Variants in GRIK4 observed in about 807,000 individuals in gnomAD.
GRIK4 encodes the protein glutamate receptor ionotropic, kainate 4.
Under a neutral mutation model 104.9 loss-of-function variants are expected in GRIK4, and 40 were observed. The ratio of observed to expected loss-of-function variants is 0.38; its 90% CI spans 0.30 to 0.50. The LOEUF (loss-of-function observed/expected upper bound fraction) is 0.50. Ranked by LOEUF, GRIK4 falls within the 20% of genes least tolerant of loss-of-function variation. The pLI, the probability that GRIK4 is intolerant of heterozygous loss-of-function variation, is 0.93. For synonymous variants in GRIK4, 485 were observed against 524.9 expected, an observed-to-expected ratio of 0.92 and a Z score of 1.04; for missense variants, 1,047 against 1,308.1, an observed-to-expected ratio of 0.80 and a Z score of 3.08.
At chr11:120,879,287 C>T (rs1363539855) in intron 11 of GRIK4, among the ~76,000 whole-genome samples, 2 of 152,236 alleles carry the variant, frequency 1.3e-5, no homozygotes, top group East Asian at 3.8e-4. Flanking sequence ...TGCTGCAAAC[C>T]AGGACAGTGC....
At chr11:120,762,849 A>T (rs948578790) in intron 3 of GRIK4, among the ~76,000 whole-genome samples, 1 of 152,128 alleles carries the variant, frequency 6.6e-6, no homozygotes, top group Non-Finnish European at 1.5e-5. Flanking sequence ...TTAGTATTTT[A>T]TTGAGGATTT....
In GRIK4 at chr11:120,975,461, A is replaced by C. The variant is rs566309640; in HGVS notation, c.2396-6645A>C. 5.3e-5 allele frequency among the ~76,000 whole-genome samples: 8 copies of C among 152,256 alleles called. No homozygotes were observed. In the South Asian group the frequency reaches 1.7e-3, roughly 32 times the overall value. ...TTTGAGAGAGAGAAACTCCAGAGGG[A>C]TTTCCAGAAACCATGATCAGAACAG... On this transcript the variant is annotated intron_variant, in intron 19 of 20. Coordinates refer to ENST00000527524, the MANE Select transcript of GRIK4 (RefSeq NM_014619.5).
At position 120,950,395 on chromosome 11, in the gene GRIK4, A is replaced by T. The variant is rs544820557; in HGVS notation, c.1591-2460A>T. ...CTTATCACCCATAACCAAATATGGC[A>T]GCTTTAAATAGTGCTGTCATTTTCC... is the stretch of plus-strand genomic sequence containing the variant. On this transcript the variant is annotated intron_variant, in intron 14 of 20. Coordinates refer to ENST00000527524, the MANE Select transcript of GRIK4 (RefSeq NM_014619.5). Among the ~76,000 whole-genome samples the T allele has an allele frequency of 5.9e-5, 9 of 152,326 alleles. No homozygotes were observed. The East Asian group carries it at 1.7e-3, about 29-fold the overall frequency.
intron 11 of GRIK4, among the ~76,000 whole-genome samples, chr11:120,881,856 T>G (rs569656662): frequency 1.1e-4 from 16 of 152,160 alleles, no homozygotes; most frequent in African/African-American, 1.7e-4. Flanking sequence ...TAAAGGCAGC[T>G]GCATTTCTTA....
intron 3 of GRIK4, among the ~76,000 whole-genome samples, chr11:120,700,808 T>G (rs1390000390): frequency 6.6e-6 from 1 of 152,198 alleles, no homozygotes; most frequent in Admixed American, 6.5e-5. Flanking sequence ...GCCAGGCTGG[T>G]GTCGAACTTC....
intron 11 of GRIK4, among the ~76,000 whole-genome samples, chr11:120,896,897 G>A (rs998482324): frequency 2.6e-5 from 4 of 152,202 alleles, no homozygotes; most frequent in Admixed American, 1.3e-4. Context: ...TTAGCCAGTC[G>A]TCTCTCCTGG....
Position 120,819,863 on chromosome 11 carries a change from G to C in GRIK4, c.454G>C (p.Gly152Arg), listed in dbSNP as rs1050516369. The change falls in exon 6 of 21, where the codon GGG becomes CGG. Residue 152 changes from glycine (G) to arginine (R), a missense_variant. By Grantham distance (125) the Gly-to-Arg change is moderately radical. Coordinates refer to ENST00000527524, the MANE Select transcript of GRIK4 (RefSeq NM_014619.5). The surrounding 1 kb of genome is among the most constrained non-coding windows in gnomAD (Gnocchi z 4.3). Reference sequence around the variant, plus strand: ...CACTGACATCAGCGTGGCTGTAGCTGGGATCCTGAACTTCTTCAACTGCAC... The same window carrying C: ...CACTGACATCAGCGTGGCTGTAGCTCGGATCCTGAACTTCTTCAACTGCAC... ...SNTDISVAVAGILNFFNCTTA... is the reference protein window; with the variant it reads ...SNTDISVAVARILNFFNCTTA... 5.6e-6 allele frequency: 9 copies of C among 1,614,142 alleles called. No homozygotes were observed. The highest frequency in any genetic ancestry group is 7.6e-6 in the Non-Finnish European group (9 of 1,180,004).
intron 8 of GRIK4, among the ~76,000 whole-genome samples, chr11:120,843,242 C>T (rs1196938058): frequency 6.6e-6 from 1 of 152,262 alleles, no homozygotes; most frequent in African/African-American, 2.4e-5. Context: ...ATGCCCCAGG[C>T]AGGGCCAGAG....
intron 11 of GRIK4, among the ~76,000 whole-genome samples, chr11:120,876,242 C>CCACCACCACCATTACCACCACCAT (rs1954796175): frequency 7.1e-6 from 1 of 141,720 alleles, no homozygotes; most frequent in Non-Finnish European, 1.5e-5. Context: ...ATTACTACCA[C>CCACCACCACCATTACCACCACCAT]CACCACCACC....
intron 3 of GRIK4, among the ~76,000 whole-genome samples, chr11:120,708,670 G>T (rs1383128720): frequency 6.6e-6 from 1 of 152,224 alleles, no homozygotes; most frequent in Non-Finnish European, 1.5e-5. Context: ...AAATGAAGCT[G>T]CCCGCCTAAA....
At chr11:120,830,589 C>T (rs903015151) in intron 6 of GRIK4, among the ~76,000 whole-genome samples, 4 of 152,144 alleles carry the variant, frequency 2.6e-5, no homozygotes, top group African/African-American at 9.7e-5. Context: ...GGACTGGTTA[C>T]AAAGCCAACC....
intron 1 of GRIK4, among the ~76,000 whole-genome samples, chr11:120,566,454 C>G (rs1948324395): frequency 6.6e-6 from 1 of 152,186 alleles, no homozygotes; most frequent in Non-Finnish European, 1.5e-5. Context: ...GCCAGCTAAT[C>G]TACGGACGAA....
chr11:120,531,969 C>T (rs1365283288), intron 1 of GRIK4, among the ~76,000 whole-genome samples: 1 of 152,212 alleles, frequency 6.6e-6, no homozygotes, highest in Non-Finnish European at 1.5e-5. Context: ...CAGCAGATGG[C>T]AACCCTTCTT....
intron 1 of GRIK4, among the ~76,000 whole-genome samples, chr11:120,641,786 T>C (rs1949474938): frequency 1.3e-5 from 2 of 152,168 alleles, no homozygotes; most frequent in Admixed American, 1.3e-4. Context: ...GTTGACCTCC[T>C]ATCTCATTCT....
rs1026307492 is a variant in GRIK4, at chr11:120,555,214, G to A, written c.-159+43327G>A. On this transcript the variant is annotated intron_variant, in intron 1 of 20. Transcript: ENST00000527524. This position sits in a 1 kb window ranked among gnomAD's most constrained non-coding sequence, Gnocchi z 5.3. Reference sequence around the variant, plus strand: ...CTGCAAATGGAGGCGGCATGCCCCAGAGAGCCCTATGCTTTTTGCTGGCTG... The same window carrying A: ...CTGCAAATGGAGGCGGCATGCCCCAAAGAGCCCTATGCTTTTTGCTGGCTG... Among the ~76,000 whole-genome samples the A allele has an allele frequency of 6.6e-6, 1 of 152,224 alleles. No homozygotes were observed. Among genetic ancestry groups the A allele is most frequent in the African/African-American group, 2.4e-5 (1 of 41,464 alleles).
chr11:120,912,197 G>A (rs546881172), intron 13 of GRIK4, among the ~76,000 whole-genome samples: 17 of 152,284 alleles, frequency 1.1e-4, no homozygotes, highest in African/African-American at 4.1e-4. Flanking sequence ...GGTGGTTGGT[G>A]GTGCCCAGCA....
At chr11:120,647,638 C>T (rs562133626) in intron 1 of GRIK4, among the ~76,000 whole-genome samples, 46 of 152,386 alleles carry the variant, frequency 3.0e-4, no homozygotes, top group African/African-American at 1.1e-3. Flanking sequence ...CCGGCACATG[C>T]CTCGGGGCTC....
intron 1 of GRIK4, among the ~76,000 whole-genome samples, chr11:120,574,169 G>A (rs935797674): frequency 2.6e-5 from 4 of 152,164 alleles, no homozygotes; most frequent in Non-Finnish European, 5.9e-5. Flanking sequence ...GGTGCGTGGT[G>A]GGGCTCTGTC....
rs559820007 is a variant in GRIK4, at chr11:120,769,135, T to C, written c.83-33558T>C. On this transcript the variant is annotated intron_variant, in intron 3 of 20. Transcript: ENST00000527524. ...TGGTAGTAATTCTTCCTTGAATGTTTGGTAGAATTCAGCTGTGATGCCATC... is the reference window on the plus strand; with the variant it reads ...TGGTAGTAATTCTTCCTTGAATGTTCGGTAGAATTCAGCTGTGATGCCATC... Among the ~76,000 whole-genome samples, 10 of 152,318 alleles carry C rather than the reference T, an allele frequency of 6.6e-5. No individual in the cohort carries two copies. In the South Asian group the frequency reaches 2.1e-3, roughly 32 times the overall value.
Sources: allele counts gnomAD v4.1 joint callset (sites outside exome capture counted in the v4.1 genomes callset), GRCh38; gene constraint gnomAD v4.1.1; non-coding constraint Gnocchi (gnomAD v3.1); transcripts MANE v1.5; gene names NCBI Gene and HGNC (gene_info 2026-07-23, HGNC 2026-07-21).